The following NQO2 variants were observed in gnomAD, a reference collection of about 807,000 sequenced individuals.
The protein encoded by NQO2 is N-ribosyldihydronicotinamide:quinone dehydrogenase 2.
NQO2 carries 18 observed loss-of-function variants against 22.0 expected under a neutral mutation model. The observed-to-expected ratio is 0.82, with a 90% CI of 0.56 to 1.21. NQO2 has a LOEUF of 1.21. Ranked by LOEUF, NQO2 falls within the 50% of genes most tolerant of loss-of-function variation. The pLI, the probability that NQO2 is intolerant of heterozygous loss-of-function variation, is 0.00. For synonymous variants in NQO2, 106 were observed against 110.8 expected, an observed-to-expected ratio of 0.96 and a Z score of 0.28; for missense variants, 267 against 286.9, an observed-to-expected ratio of 0.93 and a Z score of 0.50.
rs1486266361 is a variant in NQO2, at chr6:2,999,954, G to C, written c.-217G>C. 1 of 152,384 alleles carries C rather than the reference G, an allele frequency of 6.6e-6. No homozygotes were observed. Among genetic ancestry groups the C allele is most frequent in the Admixed American group, 6.5e-5 (1 of 15,298 alleles). The allele number at this position is 152,384 out of a possible 1,614,324, so 9.4% of individuals were successfully genotyped here. On this transcript the variant is annotated 5_prime_UTR_variant, in exon 1 of 7. Coordinates refer to ENST00000380455, the MANE Select transcript of NQO2 (RefSeq NM_000904.6). ...TGGTCCCCGGGGGCGCAGTCGCAGC[G>C]CTCCCGCCCTCCAGGCGTCAGCGAG...
chr6:3,010,047 T>C lies in NQO2; in HGVS notation c.30T>C (p.Tyr10=), dbSNP rs1757090677. The C allele has an allele frequency of 1.2e-6, 2 of 1,613,960 alleles. No homozygotes were observed. The highest frequency in any genetic ancestry group is 1.1e-5 in the South Asian group (1 of 91,064). The change falls in exon 3 of 7, where the codon TAT becomes TAC. Residue 10 remains tyrosine (Y), a synonymous_variant. Transcript: ENST00000380455. The part of the protein sequence containing the change: MAGKKVLIV[Y]AHQEPKSFNG... Reference sequence around the variant, plus strand: ...TAGGTAAGAAAGTACTCATTGTCTATGCACACCAGGAACCCAAGTCTTTCA... The same window carrying C: ...TAGGTAAGAAAGTACTCATTGTCTACGCACACCAGGAACCCAAGTCTTTCA...
At chr6:3,013,090 G>A (rs1581330632) in intron 4 of NQO2, among the ~76,000 whole-genome samples, 1 of 151,286 alleles carries the variant, frequency 6.6e-6, no homozygotes, top group Admixed American at 6.6e-5. Flanking sequence ...CGAGTAGCTG[G>A]GACTACAGGC....
intron 4 of NQO2, 52 bp downstream of exon 4, chr6:3,012,726 CTCTT>C (rs1194748550): frequency 1.9e-6 from 3 of 1,559,828 alleles, no homozygotes; most frequent in African/African-American, 2.7e-5. Flanking sequence ...TATGTACAAA[CTCTT>C]TCTGAATATT....
Position 3,016,898 on chromosome 6 carries a change from C to T in NQO2, c.432C>T (p.Leu144=), listed in dbSNP as rs1365323505. ...CTCCCTTGCAGGGTAAACTAGCGCT[C>T]CTTTCCGTAACCACGGGAGGCACGG... is the stretch of plus-strand genomic sequence containing the variant. The part of the protein sequence containing the change: ...DSGLLQGKLA[L]LSVTTGGTAE... Residue 144 remains leucine, a synonymous_variant, in exon 6 of 7, where the codon CTC becomes CTT. Coordinates refer to ENST00000380455, the MANE Select transcript of NQO2 (RefSeq NM_000904.6). 2 of 1,613,756 alleles carry T rather than the reference C, an allele frequency of 1.2e-6. No individual in the cohort carries two copies. The highest frequency in any genetic ancestry group is 1.3e-5 in the African/African-American group (1 of 74,936).
chr6:3,019,030 C>T (rs1757439735), intron 6 of NQO2, among the ~76,000 whole-genome samples: 1 of 152,042 alleles, frequency 6.6e-6, no homozygotes, highest in South Asian at 2.1e-4. Context: ...ATTTACTGCT[C>T]TTTTACATGA....
intron 1 of NQO2, among the ~76,000 whole-genome samples, chr6:3,001,589 C>T (rs1756725856): frequency 6.6e-6 from 1 of 152,120 alleles, no homozygotes; most frequent in Non-Finnish European, 1.5e-5. Context: ...AAAGGGTATG[C>T]AGGCAATGGT....
At chr6:3,013,712 G>T (rs1397778231) in intron 4 of NQO2, among the ~76,000 whole-genome samples, 1 of 152,186 alleles carries the variant, frequency 6.6e-6, no homozygotes, top group Non-Finnish European at 1.5e-5. Context: ...TCCCGCCACT[G>T]CAAGGAAGAT....
chr6:3,015,115 C>A (rs1757276464), intron 4 of NQO2: 1 of 1,294,766 alleles, frequency 7.7e-7, no homozygotes, highest in Non-Finnish European at 1.0e-6. Context: ...TCCATAGATG[C>A]TCAGCACCGA....
intron 6 of NQO2, 132 bp downstream of exon 6, chr6:3,017,117 G>T: frequency 9.5e-7 from 1 of 1,054,042 alleles, no homozygotes; most frequent in South Asian, 1.5e-5. Context: ...GATGAGATGG[G>T]ATGGAAGCGT....
chr6:3,017,375 G>C (rs1267229915), intron 6 of NQO2, among the ~76,000 whole-genome samples: 1 of 152,192 alleles, frequency 6.6e-6, no homozygotes, highest in Non-Finnish European at 1.5e-5. Context: ...GGCTCTGGCA[G>C]TGCTTGGTGA....
intron 6 of NQO2, among the ~76,000 whole-genome samples, chr6:3,018,839 T>G (rs1029804383): frequency 6.6e-6 from 1 of 151,868 alleles, no homozygotes; most frequent in Non-Finnish European, 1.5e-5. Flanking sequence ...AAATCTTTTT[T>G]TTTTTCAGTT....
chr6:3,005,266 T>C (rs1312137539), intron 1 of NQO2, among the ~76,000 whole-genome samples: 1 of 152,206 alleles, frequency 6.6e-6, no homozygotes, highest in Non-Finnish European at 1.5e-5. Context: ...GAGTAACGAA[T>C]GGAATTGCTG....
At chr6:3,010,355 CA>C (rs1757102273) in intron 3 of NQO2, among the ~76,000 whole-genome samples, 166 bp downstream of exon 3, 1 of 151,698 alleles carries the variant, frequency 6.6e-6, no homozygotes, top group Non-Finnish European at 1.5e-5. Context: ...TCCCAGAAGT[CA>C]AATATGAAGA....
At chr6:3,016,605 C>T (rs1251656370) in intron 5 of NQO2, 15 of 229,974 alleles carry the variant, frequency 6.5e-5, no homozygotes, top group Non-Finnish European at 1.0e-4. Context: ...GTGCCTCGGC[C>T]GTATCCATCA....
At chr6:3,011,079 CAG>C (rs1305638772) in intron 3 of NQO2, among the ~76,000 whole-genome samples, 2 of 152,164 alleles carry the variant, frequency 1.3e-5, no homozygotes, top group African/African-American at 2.4e-5. Context: ...CAACAGTAAA[CAG>C]GGAACCATGA....
intron 4 of NQO2, 174 bp from the exon 5 acceptor site, chr6:3,015,356 C>G: frequency 9.1e-6 from 9 of 985,416 alleles, no homozygotes; most frequent in Non-Finnish European, 1.1e-5. Context: ...AACTCCGTTC[C>G]CGTCTGACAC....
intron 1 of NQO2, among the ~76,000 whole-genome samples, chr6:3,005,049 C>T (rs1219994120): frequency 6.6e-6 from 1 of 152,154 alleles, no homozygotes; most frequent in Non-Finnish European, 1.5e-5. Flanking sequence ...CCTGCCTCAG[C>T]CTCCCAAAGT....
At chr6:3,010,295 C>T in intron 3 of NQO2, 106 bp downstream of exon 3, 1 of 970,134 alleles carries the variant, frequency 1.0e-6, no homozygotes. Flanking sequence ...AGCAAGCTAG[C>T]TTCACTTTCC....
At chr6:3,014,876 T>G (rs1757270087) in intron 4 of NQO2, among the ~76,000 whole-genome samples, 1 of 152,190 alleles carries the variant, frequency 6.6e-6, no homozygotes, top group Non-Finnish European at 1.5e-5. Context: ...AACTTGCCAA[T>G]GTCACACAGC....
Sources: gnomAD v4.1 joint callset for allele counts (sites outside exome capture counted in the v4.1 genomes callset) on GRCh38, gnomAD v4.1.1 for gene constraint, MANE v1.5 for transcripts, NCBI Gene and HGNC (gene_info 2026-07-23, HGNC 2026-07-21) for gene names.